Variants in SLC9A9 observed in about 807,000 individuals in gnomAD.
The protein encoded by SLC9A9 is sodium/hydrogen exchanger 9.
In SLC9A9, 62 loss-of-function variants were observed where a neutral mutation model predicts 77.8. That is an observed-to-expected ratio of 0.80 (90% confidence interval 0.65 to 0.98). The LOEUF (loss-of-function observed/expected upper bound fraction) is 0.98, where lower values mean the gene tolerates loss of function less well. Among genes scored for constraint, SLC9A9 ranks in the 50% least tolerant of loss-of-function variants. SLC9A9 has a pLI of 0.00. For missense variants in SLC9A9, 775 were observed against 774.9 expected, an observed-to-expected ratio of 1.00 and a Z score of 0.00; for synonymous variants, 320 against 283.5, an observed-to-expected ratio of 1.13 and a Z score of -1.29.
chr3:143,267,179 T>C (rs1016144990), intron 15 of SLC9A9, among the ~76,000 whole-genome samples: 3 of 151,932 alleles, frequency 2.0e-5, no homozygotes, highest in African/African-American at 7.3e-5. Flanking sequence ...GCATGGTACT[T>C]TCATTTCCTC....
intron 6 of SLC9A9, among the ~76,000 whole-genome samples, chr3:143,637,656 C>A (rs141704499): frequency 6.6e-6 from 1 of 152,082 alleles, no homozygotes; most frequent in East Asian, 1.9e-4. Flanking sequence ...ATAGCTTTAG[C>A]GTAACTGACA....
chr3:143,578,190 A>G (rs4839601), intron 7 of SLC9A9, among the ~76,000 whole-genome samples: 17,118 of 152,160 alleles, frequency 0.11, 1,138 homozygotes, highest in East Asian at 0.15. Context: ...GAGGCAGATC[A>G]TACCCAATTT....
chr3:143,711,585 T>TA lies in SLC9A9; in HGVS notation c.534-18279_534-18278insT, dbSNP rs1229239966. Among the ~76,000 whole-genome samples, 6 of 150,530 alleles carry TA rather than the reference T, an allele frequency of 4.0e-5. No individual in the cohort carries two copies. The East Asian group carries it at 9.8e-4, about 24-fold the overall frequency. Reference sequence around the variant, plus strand: ...TGGCTAATTTAAAAAAAAAATTTTTTTTTTTTTTTTTTTAAAGAAGAGGAC... The same window carrying TA: ...TGGCTAATTTAAAAAAAAAATTTTTTATTTTTTTTTTTTTAAAGAAGAGGAC... On this transcript the variant is annotated intron_variant, in intron 4 of 15. Coordinates refer to ENST00000316549, the MANE Select transcript of SLC9A9 (RefSeq NM_173653.4).
At chr3:143,640,618 T>C (rs1488204410) in intron 6 of SLC9A9, among the ~76,000 whole-genome samples, 1 of 152,092 alleles carries the variant, frequency 6.6e-6, no homozygotes, top group Non-Finnish European at 1.5e-5. Flanking sequence ...CCCAGCACTT[T>C]GGGAGGCCAA....
At chr3:143,288,581 A>T (rs558197962) in intron 14 of SLC9A9, among the ~76,000 whole-genome samples, 1 of 152,242 alleles carries the variant, frequency 6.6e-6, no homozygotes, top group South Asian at 2.1e-4. Context: ...CTGGTCACTG[A>T]CCCAGCTGGT....
At chr3:143,477,582 A>T (rs2035501039) in intron 11 of SLC9A9, among the ~76,000 whole-genome samples, 1 of 152,064 alleles carries the variant, frequency 6.6e-6, no homozygotes, top group African/African-American at 2.4e-5. Context: ...TAGGAGGGGC[A>T]TCCCCCAAAC....
At chr3:143,790,990 T>G (rs535132455) in intron 4 of SLC9A9, among the ~76,000 whole-genome samples, 1 of 152,350 alleles carries the variant, frequency 6.6e-6, no homozygotes, top group South Asian at 2.1e-4. Flanking sequence ...GACAGTGAGC[T>G]TCAGCTAGGT....
At chr3:143,815,236 G>A (rs1244194645) in intron 2 of SLC9A9, among the ~76,000 whole-genome samples, 1 of 152,106 alleles carries the variant, frequency 6.6e-6, no homozygotes, top group Non-Finnish European at 1.5e-5. Context: ...ATTAGGGGAT[G>A]GTTTTCATAG....
intron 4 of SLC9A9, among the ~76,000 whole-genome samples, chr3:143,744,581 G>A (rs1389843379): frequency 3.3e-5 from 5 of 152,058 alleles, no homozygotes; most frequent in Admixed American, 6.6e-5. Context: ...TCTCATCAGC[G>A]AAAAAGCCTC....
chr3:143,516,175 T>C (rs1238035503), intron 9 of SLC9A9, among the ~76,000 whole-genome samples: 1 of 152,204 alleles, frequency 6.6e-6, no homozygotes, highest in African/African-American at 2.4e-5. Context: ...CACGACATGT[T>C]CTTACTTTTT....
chr3:143,546,324 T>A (rs186357001), intron 9 of SLC9A9, among the ~76,000 whole-genome samples: 31 of 152,320 alleles, frequency 2.0e-4, no homozygotes, highest in African/African-American at 7.2e-4. Context: ...AAAATAAGCA[T>A]CTGGAAAGAA....
At chr3:143,569,873 A>T (rs2037230931) in intron 8 of SLC9A9, among the ~76,000 whole-genome samples, 1 of 145,184 alleles carries the variant, frequency 6.9e-6, no homozygotes, top group Non-Finnish European at 1.5e-5. Context: ...GAATGCAGTC[A>T]TGTCATAGCT....
At chr3:143,462,782 A>C (rs559384674) in intron 12 of SLC9A9, among the ~76,000 whole-genome samples, 1 of 152,272 alleles carries the variant, frequency 6.6e-6, no homozygotes, top group South Asian at 2.1e-4. Flanking sequence ...TTCTTTCTTC[A>C]AAGGATTTGT....
chr3:143,530,674 C>A (rs11917271), intron 9 of SLC9A9, among the ~76,000 whole-genome samples: 23,927 of 122,344 alleles, frequency 0.2, 1,923 homozygotes, highest in Non-Finnish European at 0.2. Context: ...AACAAACAAA[C>A]AAAAACCAAA....
At chr3:143,769,529 C>A (rs1367197011) in intron 4 of SLC9A9, among the ~76,000 whole-genome samples, 1 of 152,148 alleles carries the variant, frequency 6.6e-6, no homozygotes, top group Non-Finnish European at 1.5e-5. Flanking sequence ...TTGAGAACTG[C>A]TTCTTTTCCA....
At position 143,758,113 on chromosome 3, in the gene SLC9A9, G is replaced by A. The variant is rs115340808; in HGVS notation, c.533+36888C>T. Reference sequence around the variant, plus strand: ...GGCCTCTAAATAAAGGTAAAATCCCGTCTTAATGACTATCATTTATAACAC... The same window carrying A: ...GGCCTCTAAATAAAGGTAAAATCCCATCTTAATGACTATCATTTATAACAC... On this transcript the variant is annotated intron_variant, in intron 4 of 15. Coordinates refer to ENST00000316549, the MANE Select transcript of SLC9A9 (RefSeq NM_173653.4). Among the ~76,000 whole-genome samples, 405 of 152,200 alleles carry A rather than the reference G, an allele frequency of 2.7e-3. 4 individuals are homozygous for A. Among genetic ancestry groups the A allele is most frequent in the African/African-American group, 9.2e-3 (383 of 41,524 alleles).
At chr3:143,711,476 C>T (rs1051484429) in intron 4 of SLC9A9, among the ~76,000 whole-genome samples, 2 of 151,944 alleles carry the variant, frequency 1.3e-5, no homozygotes, top group African/African-American at 4.8e-5. Flanking sequence ...CGGTGGTGCT[C>T]GCAGCCTCCT....
chr3:143,742,291 A>G (rs777934876), intron 4 of SLC9A9, among the ~76,000 whole-genome samples: 1 of 152,178 alleles, frequency 6.6e-6, no homozygotes, highest in Non-Finnish European at 1.5e-5. Flanking sequence ...AGTTATCCTT[A>G]AAAAACTCTG....
chr3:143,467,249 T>C, intron 11 of SLC9A9, 59 bp from the exon 12 acceptor site: 1 of 1,598,906 alleles, frequency 6.3e-7, no homozygotes, highest in South Asian at 1.1e-5. Context: ...TTCATTTCAA[T>C]GGATTCATCT....
Sources: allele counts gnomAD v4.1 joint callset (sites outside exome capture counted in the v4.1 genomes callset), GRCh38; gene constraint gnomAD v4.1.1; transcripts MANE v1.5; gene names NCBI Gene and HGNC (gene_info 2026-07-23, HGNC 2026-07-21).